The following SPAG16 variants were observed in gnomAD, a reference collection of about 807,000 sequenced individuals.
The protein encoded by SPAG16 is sperm associated antigen 16.
Under a neutral mutation model 80.4 loss-of-function variants are expected in SPAG16, and 86 were observed. The observed-to-expected ratio is 1.07, with a 90% CI of 0.90 to 1.28. The LOEUF is 1.28. SPAG16 is among the 50% of genes most tolerant of loss of function. The pLI is 0.00. For synonymous variants in SPAG16, 294 were observed against 265.9 expected (o/e 1.11, Z -1.03); for missense variants, 870 against 765.3 (o/e 1.14, Z -1.61).
At chr2:213,804,407 G>A (rs1291930218) in intron 10 of SPAG16, among the ~76,000 whole-genome samples, 3 of 152,226 alleles carry the variant, frequency 2.0e-5, no homozygotes, top group Non-Finnish European at 2.9e-5. Flanking sequence ...ATAAGGGCCG[G>A]GCACTGTGGC....
chr2:213,479,440 A>G (rs921421675), intron 9 of SPAG16, among the ~76,000 whole-genome samples: 3 of 152,008 alleles, frequency 2.0e-5, no homozygotes, highest in African/African-American at 7.2e-5. Flanking sequence ...TATAAGCTAC[A>G]TGAGGATTGA....
intron 10 of SPAG16, among the ~76,000 whole-genome samples, chr2:213,703,834 AC>A (rs1292396324): frequency 6.6e-6 from 1 of 152,248 alleles, no homozygotes; most frequent in Non-Finnish European, 1.5e-5. Flanking sequence ...GCTGGCAGAT[AC>A]GTTGTCAGAT....
chr2:214,370,455 G>A (rs1699737538), intron 15 of SPAG16, among the ~76,000 whole-genome samples: 2 of 152,072 alleles, frequency 1.3e-5, no homozygotes, highest in Non-Finnish European at 2.9e-5. Flanking sequence ...GTATAATAGA[G>A]AAATTATATA....
intron 10 of SPAG16, among the ~76,000 whole-genome samples, chr2:213,697,806 T>C (rs528535362): frequency 6.6e-6 from 1 of 152,330 alleles, no homozygotes; most frequent in South Asian, 2.1e-4. Context: ...GTAAACATGC[T>C]TAAGAGTTTC....
At position 214,058,755 on chromosome 2, in the gene SPAG16, A is replaced by G. The variant is rs143423951; in HGVS notation, c.1527+44678A>G. 1.1e-3 allele frequency among the ~76,000 whole-genome samples: 167 copies of G among 152,310 alleles called. 1 individual carries two copies. Among genetic ancestry groups the G allele is most frequent in the African/African-American group, 3.9e-3 (163 of 41,566 alleles). On this transcript the variant is annotated intron_variant, in intron 13 of 15. Coordinates refer to ENST00000331683, the MANE Select transcript of SPAG16 (RefSeq NM_024532.5). ...CATATCCAAATGTAGTAAAGGAAGGAAAACAAACAATATATTTATTAAAAT... is the reference window on the plus strand; with the variant it reads ...CATATCCAAATGTAGTAAAGGAAGGGAAACAAACAATATATTTATTAAAAT...
At chr2:213,531,532 C>G (rs1278118541) in intron 10 of SPAG16, among the ~76,000 whole-genome samples, 2 of 152,038 alleles carry the variant, frequency 1.3e-5, no homozygotes, top group East Asian at 1.9e-4. Context: ...AGAAACTGCA[C>G]CAATCCTATC....
intron 10 of SPAG16, among the ~76,000 whole-genome samples, chr2:213,701,743 G>A (rs990055480): frequency 3.3e-5 from 5 of 152,338 alleles, no homozygotes; most frequent in Middle Eastern, 3.4e-3. Flanking sequence ...GATTGTATAT[G>A]CACCAATCAG....
chr2:214,387,711 A>C (rs752222860), intron 15 of SPAG16, among the ~76,000 whole-genome samples: 4 of 152,192 alleles, frequency 2.6e-5, no homozygotes, highest in Non-Finnish European at 5.9e-5. Flanking sequence ...TAGAAGGGGA[A>C]GCAAACACAT....
chr2:214,392,973 T>C (rs924659960), intron 15 of SPAG16, among the ~76,000 whole-genome samples: 1 of 152,190 alleles, frequency 6.6e-6, no homozygotes, highest in Non-Finnish European at 1.5e-5. Context: ...GAAATACTAG[T>C]GGAATTCATT....
intron 12 of SPAG16, among the ~76,000 whole-genome samples, chr2:213,937,070 A>C (rs1433412761): frequency 6.6e-6 from 1 of 152,172 alleles, no homozygotes; most frequent in Non-Finnish European, 1.5e-5. Flanking sequence ...AGTGGACTCT[A>C]AAATAAAAGA....
chr2:213,352,478 T>C lies in SPAG16; in HGVS notation c.762+1833T>C, dbSNP rs184557005. 5.3e-5 allele frequency among the ~76,000 whole-genome samples: 8 copies of C among 152,280 alleles called. No homozygotes were observed. In the East Asian group the frequency reaches 1.5e-3, roughly 29 times the overall value. Reference sequence around the variant, plus strand: ...CTTTTGCTACCCATCTTACTCTCTTTAGTCCTCCTGGTCTCATGCTTATCT... The same window carrying C: ...CTTTTGCTACCCATCTTACTCTCTTCAGTCCTCCTGGTCTCATGCTTATCT... On this transcript the variant is annotated intron_variant, in intron 7 of 15. Coordinates refer to ENST00000331683, the MANE Select transcript of SPAG16 (RefSeq NM_024532.5).
intron 10 of SPAG16, among the ~76,000 whole-genome samples, chr2:213,718,190 C>T (rs2066330181): frequency 6.8e-6 from 1 of 146,604 alleles, no homozygotes; most frequent in Admixed American, 6.8e-5. Flanking sequence ...AAATAGTGGG[C>T]AAAGGATATG....
chr2:214,323,079 T>C (rs188956307), intron 15 of SPAG16, among the ~76,000 whole-genome samples: 2 of 152,336 alleles, frequency 1.3e-5, no homozygotes, highest in Admixed American at 1.3e-4. Context: ...TATTCTCTAC[T>C]GCTGTTTCTT....
At chr2:213,593,693 G>T (rs569863762) in intron 10 of SPAG16, among the ~76,000 whole-genome samples, 1 of 129,782 alleles carries the variant, frequency 7.7e-6, no homozygotes, top group Non-Finnish European at 1.6e-5. Flanking sequence ...ATTTAATAAT[G>T]GTTAACTGGA....
At chr2:213,866,552 T>G (rs2075691456) in intron 11 of SPAG16, among the ~76,000 whole-genome samples, 1 of 152,160 alleles carries the variant, frequency 6.6e-6, no homozygotes, top group Non-Finnish European at 1.5e-5. Context: ...AGGTCCCATG[T>G]GTTGAAATTG....
chr2:213,333,515 G>C (rs1463886538), intron 5 of SPAG16, among the ~76,000 whole-genome samples: 1 of 151,996 alleles, frequency 6.6e-6, no homozygotes, highest in East Asian at 1.9e-4. Context: ...TAAAATTTAT[G>C]TAGAATCACA....
intron 13 of SPAG16, among the ~76,000 whole-genome samples, chr2:214,094,046 G>A (rs1044067569): frequency 1.3e-5 from 2 of 151,994 alleles, no homozygotes; most frequent in Non-Finnish European, 2.9e-5. Context: ...AGAATCTTGG[G>A]CTCCATGCAG....
chr2:213,440,954 A>C (rs2070917090), intron 9 of SPAG16, among the ~76,000 whole-genome samples: 1 of 152,226 alleles, frequency 6.6e-6, no homozygotes, highest in Non-Finnish European at 1.5e-5. Context: ...GAGAAGGAAA[A>C]GTTAAGCCCC....
intron 15 of SPAG16, among the ~76,000 whole-genome samples, chr2:214,321,634 C>T (rs191520947): frequency 1.3e-5 from 2 of 152,038 alleles, no homozygotes; most frequent in Non-Finnish European, 2.9e-5. Context: ...ATTTTAGACC[C>T]GAGATTTTTA....
Sources: allele counts gnomAD v4.1 joint callset (sites outside exome capture counted in the v4.1 genomes callset), GRCh38; gene constraint gnomAD v4.1.1; transcripts MANE v1.5; gene names NCBI Gene and HGNC (gene_info 2026-07-23, HGNC 2026-07-21).